EFHC2: variants seen among roughly 807,000 people sequenced by gnomAD.
EFHC2 encodes EF-hand domain-containing family member C2.
In EFHC2, 18 loss-of-function variants were observed where a neutral mutation model predicts 52.7. The ratio of observed to expected loss-of-function variants is 0.34; its 90% CI spans 0.24 to 0.51. EFHC2 has a LOEUF of 0.51. Ranked by LOEUF, EFHC2 falls within the 20% of genes least tolerant of loss-of-function variation. The pLI is 0.97. For missense variants in EFHC2, 513 were observed against 562.5 expected (o/e 0.91, Z 0.89); for synonymous variants, 203 against 204.1 (o/e 0.99, Z 0.04).
chrX:44,329,060 A>G (rs958174669), intron 1 of EFHC2, among the ~76,000 whole-genome samples: 7 of 111,262 alleles, frequency 6.3e-5, no homozygotes, highest in African/African-American at 1.6e-4. Context: ...GAACCTGAAC[A>G]CCCTCCGCTG....
intron 11 of EFHC2, among the ~76,000 whole-genome samples, chrX:44,187,633 T>A (rs2036887061): frequency 9.0e-6 from 1 of 110,886 alleles, no homozygotes; most frequent in Admixed American, 9.6e-5. Flanking sequence ...CAGACATTTT[T>A]AAAAATTAGC....
chrX:44,343,107 G>A (rs1436152553), intron 1 of EFHC2, among the ~76,000 whole-genome samples: 13 of 110,571 alleles, frequency 1.2e-4, no homozygotes, highest in Non-Finnish European at 5.7e-5. Flanking sequence ...CCTGAGCTGT[G>A]GAGACAAGGT....
chrX:44,235,178 T>A, intron 9 of EFHC2, 127 bp downstream of exon 9: 1 of 548,165 alleles, frequency 1.8e-6, no homozygotes, highest in East Asian at 4.4e-5. Context: ...TTGTTCAGGG[T>A]TTTTTTTTAT....
chrX:44,225,235 C>T (rs1272325915), intron 11 of EFHC2, among the ~76,000 whole-genome samples: 1 of 99,056 alleles, frequency 1.0e-5, no homozygotes, highest in African/African-American at 3.9e-5. Context: ...ATGTTCCCTA[C>T]CCAAATAAAA....
intron 10 of EFHC2, among the ~76,000 whole-genome samples, chrX:44,231,520 C>G (rs1017873317): frequency 9.1e-6 from 1 of 109,337 alleles, no homozygotes; most frequent in Non-Finnish European, 1.9e-5. Context: ...GAAGGTCCCC[C>G]CTGCCCACTC....
intron 2 of EFHC2, among the ~76,000 whole-genome samples, chrX:44,298,774 T>C (rs867370790): frequency 2.0e-5 from 2 of 102,064 alleles, no homozygotes; most frequent in Non-Finnish European, 3.9e-5. Flanking sequence ...GGCAGGAGAA[T>C]TGCATGAACC....
chrX:44,237,761 C>T (rs769754648), intron 8 of EFHC2, among the ~76,000 whole-genome samples: 5 of 111,421 alleles, frequency 4.5e-5, no homozygotes, highest in African/African-American at 6.5e-5. Flanking sequence ...TTCCGGGATC[C>T]AGCATTCTCT....
intron 11 of EFHC2, among the ~76,000 whole-genome samples, chrX:44,207,881 C>T (rs1602151829): frequency 8.9e-6 from 1 of 112,162 alleles, no homozygotes; most frequent in East Asian, 2.8e-4. Context: ...TAAAAGCAGC[C>T]AACAAACATG....
intron 11 of EFHC2, among the ~76,000 whole-genome samples, chrX:44,224,586 T>A (rs1462879665): frequency 3.6e-5 from 4 of 112,310 alleles, no homozygotes; most frequent in Non-Finnish European, 5.6e-5. Context: ...TAGAAGGAAT[T>A]TATTACATGG....
chrX:44,174,540 T>C (rs1365800675), intron 13 of EFHC2, among the ~76,000 whole-genome samples: 1 of 108,323 alleles, frequency 9.2e-6, no homozygotes, highest in Non-Finnish European at 1.9e-5. Flanking sequence ...GCTTCATGGA[T>C]ATGGTGCCAC....
At chrX:44,212,655 C>T in intron 11 of EFHC2, among the ~76,000 whole-genome samples, 1 of 111,126 alleles carries the variant, frequency 9.0e-6, no homozygotes, top group Non-Finnish European at 1.9e-5. Flanking sequence ...TTCCCTGCCC[C>T]CACACCTTAC....
chrX:44,159,052 C>T (rs888922375), intron 14 of EFHC2, among the ~76,000 whole-genome samples: 1 of 112,623 alleles, frequency 8.9e-6, no homozygotes, highest in Admixed American at 9.4e-5. Flanking sequence ...GCCATTCTGG[C>T]CCAACTCAGG....
chrX:44,329,543 A>G (rs754370971), intron 1 of EFHC2, among the ~76,000 whole-genome samples: 1 of 111,780 alleles, frequency 8.9e-6, no homozygotes, highest in South Asian at 3.7e-4. Context: ...CTATAGGACA[A>G]AAAAGTTCAT....
intron 1 of EFHC2, among the ~76,000 whole-genome samples, chrX:44,331,866 G>A (rs1384967708): frequency 1.8e-5 from 2 of 110,947 alleles, no homozygotes; most frequent in African/African-American, 3.3e-5. Flanking sequence ...CGAGGTTGTA[G>A]TGAACTATGA....
At chrX:44,208,293 T>A (rs2147300669) in intron 11 of EFHC2, among the ~76,000 whole-genome samples, 1 of 112,175 alleles carries the variant, frequency 8.9e-6, no homozygotes, top group Admixed American at 9.4e-5. Flanking sequence ...CACCATGGAA[T>A]ACTCTGCAGC....
chrX:44,168,178 C>T (rs972620174), intron 13 of EFHC2, among the ~76,000 whole-genome samples: 3 of 111,408 alleles, frequency 2.7e-5, no homozygotes, highest in African/African-American at 9.8e-5. Context: ...CTGCAGACTC[C>T]AGGTGCCAAT....
chrX:44,287,934 T>C (rs1273148556), intron 2 of EFHC2, among the ~76,000 whole-genome samples: 9 of 112,328 alleles, frequency 8.0e-5, no homozygotes, highest in Middle Eastern at 9.2e-3. Flanking sequence ...AACTGCCCAC[T>C]TTGTCTTGGG....
intron 14 of EFHC2, among the ~76,000 whole-genome samples, chrX:44,154,090 G>A (rs750303989): frequency 1.9e-4 from 21 of 112,514 alleles, no homozygotes; most frequent in Non-Finnish European, 3.6e-4. Context: ...TGGAATTTGG[G>A]ATCTTAACTG....
chrX:44,297,880 A>C (rs1218293605), intron 2 of EFHC2, among the ~76,000 whole-genome samples: 2 of 109,111 alleles, frequency 1.8e-5, no homozygotes, highest in Non-Finnish European at 3.8e-5. Context: ...ATAGAAGATG[A>C]ATAAAAATGG....
Sources: allele counts gnomAD v4.1 joint callset (sites outside exome capture counted in the v4.1 genomes callset), GRCh38; gene constraint gnomAD v4.1.1; transcripts MANE v1.5; gene names NCBI Gene and HGNC (gene_info 2026-07-23, HGNC 2026-07-21).